ADGRE5: variants seen among roughly 807,000 people sequenced by gnomAD.
The protein encoded by ADGRE5 is CD97 molecule.
A neutral mutation model predicts 100.3 loss-of-function variants in ADGRE5; 72 were observed. That is an observed-to-expected ratio of 0.72 (90% CI 0.59 to 0.87). The LOEUF (loss-of-function observed/expected upper bound fraction) is 0.87, where lower values mean the gene tolerates loss of function less well. ADGRE5 is among the 40% of genes least tolerant of loss of function. ADGRE5 has a pLI of 0.00. For synonymous variants in ADGRE5, 439 were observed against 447.8 expected (o/e 0.98, Z 0.25); for missense variants, 959 against 1,094.7 (o/e 0.88, Z 1.75).
At position 14,390,983 on chromosome 19, in the gene ADGRE5, AAC is replaced by A. The variant is rs1395474433; in HGVS notation, c.254_255del (p.Thr85ArgfsTer13). On this transcript the variant is annotated frameshift_variant, in exon 4 of 20. Coordinates refer to ENST00000242786, the MANE Select transcript of ADGRE5 (RefSeq NM_078481.4). LOFTEE classifies it high-confidence loss of function. ...ATGCGGAAAATTCTCGGACTGCTGG[AAC>A]ACAGAGGGGAGCTACGACTGCGTGT... ...VSCGKFSDCW[N>X]TEGSYDCVCS... The A allele has an allele frequency of 1.2e-6, 2 of 1,614,080 alleles. No homozygotes were observed. Among genetic ancestry groups the A allele is most frequent in the Non-Finnish European group, 1.7e-6 (2 of 1,180,048 alleles).
chr19:14,406,346 C>G lies in ADGRE5; in HGVS notation c.1837C>G (p.Arg613Gly). 6 of 1,571,638 alleles carry G rather than the reference C, an allele frequency of 3.8e-6. No homozygotes were observed. The highest frequency in any genetic ancestry group is 5.2e-6 in the Non-Finnish European group (6 of 1,160,912). Residue 613 changes from arginine to glycine, a missense_variant, in exon 15 of 20, where the codon CGC becomes GGC. By Grantham distance (125) the Arg-to-Gly change is moderately radical. Transcript: ENST00000242786. This position sits in a 1 kb window ranked among gnomAD's most constrained non-coding sequence, Gnocchi z 6.0. ...NEGGQVGLRC[R>G]LVAGLLHYCF... ...CGCCCCGCAGGTGGGGCTGCGCTGC[C>G]GCCTGGTGGCCGGGCTGCTGCACTA...
At chr19:14,381,651 T>C (rs140117277) in intron 1 of ADGRE5, 106 bp downstream of exon 1, 21,579 of 1,333,522 alleles carry the variant, frequency 0.016, 211 homozygotes, top group Non-Finnish European at 0.019. Flanking sequence ...GGGCCTGCGA[T>C]AGAGGAAGCC....
intron 3 of ADGRE5, 94 bp downstream of exon 3, chr19:14,388,912 C>T: frequency 1.7e-6 from 2 of 1,161,338 alleles, no homozygotes; most frequent in South Asian, 2.5e-5. Context: ...GGGCCACAGC[C>T]TTACCTTCCA....
At chr19:14,384,606 T>G (rs1248432848) in intron 1 of ADGRE5, among the ~76,000 whole-genome samples, 1 of 131,270 alleles carries the variant, frequency 7.6e-6, no homozygotes, top group Non-Finnish European at 1.6e-5. Context: ...CTGCCGCTCA[T>G]ATCCCAACGC....
Position 14,401,150 on chromosome 19 carries a change from T to G in ADGRE5, c.898-236T>G, listed in dbSNP as rs1187553171. Reference sequence around the variant, plus strand: ...AAAAGAAAGAAAAAAGAACAGGAAATCAAAACAGAGCCTGGCAGGCAGCCC... The same window carrying G: ...AAAAGAAAGAAAAAAGAACAGGAAAGCAAAACAGAGCCTGGCAGGCAGCCC... On this transcript the variant is annotated intron_variant, in intron 9 of 19. Transcript: ENST00000242786. This position sits in a 1 kb window ranked among gnomAD's most constrained non-coding sequence, Gnocchi z 4.1. Among the ~76,000 whole-genome samples the G allele has an allele frequency of 1.3e-5, 2 of 152,018 alleles. No homozygotes were observed. The highest frequency in any genetic ancestry group is 4.8e-5 in the African/African-American group (2 of 41,380).
chr19:14,405,995 G>T, intron 14 of ADGRE5, 56 bp downstream of exon 14: 1 of 1,484,032 alleles, frequency 6.7e-7, no homozygotes, highest in Non-Finnish European at 9.1e-7. Context: ...CCTGGGAGGG[G>T]TTAGCCCCGC....
chr19:14,404,857 C>G (rs1568318918), intron 13 of ADGRE5: 2 of 375,852 alleles, frequency 5.3e-6, no homozygotes, highest in Non-Finnish European at 4.8e-6. Flanking sequence ...AAGGGGGCAC[C>G]ACTTGCCCGT....
intron 18 of ADGRE5, 115 bp from the exon 19 acceptor site, chr19:14,407,792 CA>C (rs758451699): frequency 2.1e-4 from 178 of 861,514 alleles, no homozygotes; most frequent in Non-Finnish European, 2.7e-4. Context: ...GACCCGATCT[CA>C]AAAAAAAGAC....
chr19:14,396,295 G>A, intron 4 of ADGRE5, 47 bp from the exon 5 acceptor site: 2 of 1,614,034 alleles, frequency 1.2e-6, no homozygotes, highest in Non-Finnish European at 1.7e-6. Flanking sequence ...AGCCCTGAAA[G>A]CTGCTCACAG....
chr19:14,381,453 T>C lies in ADGRE5; in HGVS notation c.-71T>C, dbSNP rs2302997. ...CCTCGGGACAGCCTGCACAGCTGCC[T>C]AGCCTGTGGAGACGGGACAGCCCTG... On this transcript the variant is annotated 5_prime_UTR_variant, in exon 1 of 20. Coordinates refer to ENST00000242786, the MANE Select transcript of ADGRE5 (RefSeq NM_078481.4). 591,149 of 1,591,896 alleles carry C rather than the reference T, an allele frequency of 0.37. 112,486 individuals are homozygous for C. Among genetic ancestry groups the C allele is most frequent in the African/African-American group, 0.48 (34,722 of 72,524 alleles).
At chr19:14,381,588 A>T in intron 1 of ADGRE5, 43 bp downstream of exon 1, 1 of 1,585,622 alleles carries the variant, frequency 6.3e-7, no homozygotes, top group Non-Finnish European at 8.5e-7. Flanking sequence ...AGGAAGCTCC[A>T]GCGGGACCCC....
chr19:14,398,428 G>T (rs1343879492), intron 9 of ADGRE5: 1 of 371,034 alleles, frequency 2.7e-6, no homozygotes, highest in Admixed American at 4.1e-5. Context: ...CCAGCACTTT[G>T]GAAGGCCGAG....
chr19:14,404,804 A>G (rs1032779174), intron 13 of ADGRE5: 2 of 477,486 alleles, frequency 4.2e-6, no homozygotes, highest in Non-Finnish European at 3.7e-6. Flanking sequence ...ATCCCGTACC[A>G]GTTGTGAGAT....
At chr19:14,404,693 C>T in intron 13 of ADGRE5, 131 bp downstream of exon 13, 1 of 812,828 alleles carries the variant, frequency 1.2e-6, no homozygotes, top group Non-Finnish European at 1.9e-6. Context: ...GCCCAGGTGT[C>T]CCCACGTCAC....
chr19:14,385,113 C>T (rs1208751774), intron 1 of ADGRE5, among the ~76,000 whole-genome samples: 5 of 145,802 alleles, frequency 3.4e-5, no homozygotes, highest in Non-Finnish European at 7.4e-5. Flanking sequence ...TGTGTTCAAG[C>T]GATTCTCCTG....
intron 9 of ADGRE5, 50 bp downstream of exon 9, chr19:14,398,189 G>A (rs777234691): frequency 2.2e-5 from 35 of 1,585,684 alleles, no homozygotes; most frequent in African/African-American, 1.2e-4. Flanking sequence ...ATCAGCTAGC[G>A]GAGGCTTCCA....
At chr19:14,384,613 A>C in intron 1 of ADGRE5, among the ~76,000 whole-genome samples, 1 of 135,450 alleles carries the variant, frequency 7.4e-6, no homozygotes, top group African/African-American at 2.7e-5. Context: ...TCATATCCCA[A>C]CGCCCTCCGT....
At chr19:14,395,292 C>T (rs1297268543) in intron 4 of ADGRE5, among the ~76,000 whole-genome samples, 6 of 129,254 alleles carry the variant, frequency 4.6e-5, no homozygotes, top group South Asian at 2.8e-4. Context: ...CAGAGAGAGA[C>T]GCTGTCTCCA....
At chr19:14,394,989 G>A (rs571467575) in intron 4 of ADGRE5, among the ~76,000 whole-genome samples, 6 of 152,158 alleles carry the variant, frequency 3.9e-5, no homozygotes, top group African/African-American at 1.4e-4. Context: ...TGTGGGCAGC[G>A]TGATGTGGAC....
Sources: allele counts gnomAD v4.1 joint callset (sites outside exome capture counted in the v4.1 genomes callset), GRCh38; gene constraint gnomAD v4.1.1; non-coding constraint Gnocchi (gnomAD v3.1); transcripts MANE v1.5; gene names NCBI Gene and HGNC (gene_info 2026-07-23, HGNC 2026-07-21).